The following B4GALNT3 variants were observed in gnomAD, a reference collection of about 807,000 sequenced individuals.
B4GALNT3 encodes the protein beta-1,4-N-acetylgalactosaminyltransferase 3.
A neutral mutation model predicts 120.2 loss-of-function variants in B4GALNT3; 86 were observed. The ratio of observed to expected loss-of-function variants is 0.72; its 90% CI spans 0.60 to 0.86. B4GALNT3 has a LOEUF of 0.86. Ranked by LOEUF, B4GALNT3 falls within the 40% of genes least tolerant of loss-of-function variation. B4GALNT3 has a pLI of 0.00. For missense variants in B4GALNT3, 1,167 were observed against 1,298.9 expected (o/e 0.90, Z 1.56); for synonymous variants, 518 against 510.4 (o/e 1.01, Z -0.20).
chr12:539,129 C>T (rs1367009822), intron 3 of B4GALNT3, among the ~76,000 whole-genome samples: 2 of 152,154 alleles, frequency 1.3e-5, no homozygotes, highest in Non-Finnish European at 2.9e-5. Context: ...TCTCTGAGGC[C>T]AGAAGTCACT....
At chr12:490,901 C>T (rs1284715678) in intron 1 of B4GALNT3, among the ~76,000 whole-genome samples, 1 of 152,140 alleles carries the variant, frequency 6.6e-6, no homozygotes, top group Non-Finnish European at 1.5e-5. Flanking sequence ...CCTTTCAAAA[C>T]AGAAAGCCCC....
At chr12:529,395 G>A (rs879299895) in intron 1 of B4GALNT3, among the ~76,000 whole-genome samples, 5 of 152,176 alleles carry the variant, frequency 3.3e-5, no homozygotes, top group Non-Finnish European at 5.9e-5. Flanking sequence ...CATCCGCTGG[G>A]TTGAGCAGTC....
chr12:492,045 G>A (rs1392791389), intron 1 of B4GALNT3, among the ~76,000 whole-genome samples: 3 of 138,142 alleles, frequency 2.2e-5, no homozygotes, highest in Admixed American at 1.6e-4. Flanking sequence ...GCACCAGAAC[G>A]AGACCGTCTC....
chr12:558,496 A>T lies in B4GALNT3; in HGVS notation c.2608-12A>T, dbSNP rs779434616. 1.2e-5 allele frequency: 20 copies of T among 1,613,398 alleles called. No individual in the cohort carries two copies. In the East Asian group the frequency reaches 2.9e-4, roughly 23 times the overall value. ...TGCAGGGTCTGCTGACCCTGCCCAC[A>T]TCTGTCCCCAGGACCCGCACAGCAT... On this transcript the variant is annotated splice_polypyrimidine_tract_variant and intron_variant, in intron 17 of 19. Transcript: ENST00000266383.
intron 3 of B4GALNT3, among the ~76,000 whole-genome samples, chr12:537,798 G>T (rs1418050414): frequency 6.6e-6 from 1 of 152,150 alleles, no homozygotes; most frequent in Admixed American, 6.5e-5. Context: ...CTAGCTCATT[G>T]TCTTCATCCA....
At chr12:547,271 A>G (rs891238786) in intron 7 of B4GALNT3, among the ~76,000 whole-genome samples, 2 of 152,198 alleles carry the variant, frequency 1.3e-5, no homozygotes, top group African/African-American at 4.8e-5. Context: ...CTGATGCTCG[A>G]CAGCACAGTA....
chr12:551,864 T>C (rs1165433553), intron 11 of B4GALNT3, among the ~76,000 whole-genome samples, 199 bp from the exon 12 acceptor site: 6 of 151,936 alleles, frequency 3.9e-5, no homozygotes, highest in Admixed American at 6.6e-5. Flanking sequence ...CTGGGATCAC[T>C]AGCATAACAA....
At chr12:472,879 G>A (rs1007966164) in intron 1 of B4GALNT3, among the ~76,000 whole-genome samples, 1 of 152,204 alleles carries the variant, frequency 6.6e-6, no homozygotes, top group Admixed American at 6.5e-5. Flanking sequence ...CACTGTGACT[G>A]TGTCTAGCCA....
At chr12:469,116 CTGAG>C (rs1279759812) in intron 1 of B4GALNT3, among the ~76,000 whole-genome samples, 2 of 152,190 alleles carry the variant, frequency 1.3e-5, no homozygotes, top group Admixed American at 6.5e-5. Flanking sequence ...GTGGCAGACT[CTGAG>C]TGGACTGAAA....
intron 4 of B4GALNT3, 62 bp downstream of exon 4, chr12:544,496 G>A (rs890123063): frequency 8.5e-6 from 12 of 1,406,834 alleles, no homozygotes; most frequent in Non-Finnish European, 1.1e-5. Flanking sequence ...GCCCACTTCT[G>A]TCTCTCATCT....
chr12:464,748 TGC>T (rs1946060688), intron 1 of B4GALNT3, among the ~76,000 whole-genome samples: 3 of 152,184 alleles, frequency 2.0e-5, no homozygotes, highest in Admixed American at 1.3e-4. Flanking sequence ...CCCATTTAAG[TGC>T]CAGGATTACT....
intron 1 of B4GALNT3, among the ~76,000 whole-genome samples, chr12:483,542 C>CA (rs1946261825): frequency 1.3e-5 from 2 of 152,224 alleles, no homozygotes; most frequent in Admixed American, 6.5e-5. Flanking sequence ...ACCAAAAATA[C>CA]AAAAAATTCA....
chr12:540,706 G>A (rs1946904701), intron 3 of B4GALNT3, among the ~76,000 whole-genome samples: 1 of 152,104 alleles, frequency 6.6e-6, no homozygotes, highest in African/African-American at 2.4e-5. Context: ...CTGTTCTGAA[G>A]CCTTCTGGGA....
rs556604925 is a variant in B4GALNT3 at position 475,744 on chromosome 12, A to T, written c.169+15199A>T. The stretch of plus-strand genomic sequence containing the variant: ...CTAAGTTTTCTGAAACTTACAATTG[A>T]TCACTGACTTTCTTTCATTCCTACT... On this transcript the variant is annotated intron_variant, in intron 1 of 19. Transcript: ENST00000266383. 3.9e-5 allele frequency among the ~76,000 whole-genome samples: 6 copies of T among 152,284 alleles called. No homozygotes were observed. In the East Asian group the frequency reaches 1.2e-3, roughly 29 times the overall value.
intron 1 of B4GALNT3, among the ~76,000 whole-genome samples, chr12:501,680 G>GT (rs1946446388): frequency 6.6e-6 from 1 of 152,216 alleles, no homozygotes; most frequent in South Asian, 2.1e-4. Flanking sequence ...GTGGTGCCCA[G>GT]TTGGCCACTC....
chr12:534,909 C>A (rs1254824042), intron 1 of B4GALNT3, among the ~76,000 whole-genome samples: 1 of 152,216 alleles, frequency 6.6e-6, no homozygotes, highest in African/African-American at 2.4e-5. Context: ...GGTCCAGGCT[C>A]ACCTGGACTG....
At chr12:555,744 T>A (rs1469133285) in intron 14 of B4GALNT3, among the ~76,000 whole-genome samples, 12 of 152,356 alleles carry the variant, frequency 7.9e-5, no homozygotes, top group Non-Finnish European at 1.8e-4. Flanking sequence ...TTATCAACAC[T>A]TGTTACTTTT....
chr12:465,376 T>C (rs1227102652), intron 1 of B4GALNT3, among the ~76,000 whole-genome samples: 1 of 151,724 alleles, frequency 6.6e-6, no homozygotes, highest in East Asian at 1.9e-4. Flanking sequence ...CACCTGATAT[T>C]TTCCACTGGC....
intron 1 of B4GALNT3, among the ~76,000 whole-genome samples, chr12:531,542 CAGG>C (rs1220558605): frequency 4.0e-5 from 6 of 151,842 alleles, no homozygotes; most frequent in African/African-American, 1.5e-4. Flanking sequence ...CCTAGCTACT[CAGG>C]AGGCTAAGGT....
Sources: allele counts gnomAD v4.1 joint callset (sites outside exome capture counted in the v4.1 genomes callset), GRCh38; gene constraint gnomAD v4.1.1; transcripts MANE v1.5; gene names NCBI Gene and HGNC (gene_info 2026-07-23, HGNC 2026-07-21).